Variants in CEP89 observed in about 807,000 individuals in gnomAD.
CEP89 encodes centrosomal protein 89.
Under a neutral mutation model 97.6 loss-of-function variants are expected in CEP89, and 95 were observed. The observed-to-expected ratio is 0.97, with a 90% CI of 0.82 to 1.15. The LOEUF is 1.15. Among genes scored for constraint, CEP89 ranks in the 50% most tolerant of loss-of-function variants. CEP89 has a pLI of 0.00. For missense variants in CEP89, 869 were observed against 947.7 expected (o/e 0.92, Z 1.09); for synonymous variants, 354 against 349.1 (o/e 1.01, Z -0.16).
intron 16 of CEP89, among the ~76,000 whole-genome samples, chr19:32,894,594 T>C (rs1279762542): frequency 6.6e-6 from 1 of 152,240 alleles, no homozygotes; most frequent in African/African-American, 2.4e-5. Context: ...CTTTTCCTCA[T>C]TTTAATAGTA....
At position 32,966,248 on chromosome 19, in the gene CEP89, T is replaced by C. The variant is rs1240079286; in HGVS notation, c.146+112A>G. ...ATCGTGGTAAACATTTTGAAGGACA[T>C]GATTCTAACCACCCTACTTATACTT... On this transcript the variant is annotated intron_variant, in intron 2 of 18. Coordinates refer to ENST00000305768, the MANE Select transcript of CEP89 (RefSeq NM_032816.5). 6.5e-6 allele frequency: 3 copies of C among 464,552 alleles called. No homozygotes were observed. In the East Asian group the frequency reaches 1.0e-4, roughly 16 times the overall value. 28.8% of individuals were successfully genotyped at this position (464,552 alleles called of 1,614,324 possible). A position where few individuals can be genotyped will look rare whatever the true frequency, so the allele number is the denominator to read the frequency against.
rs868334370 is a variant in CEP89 at position 32,937,617 on chromosome 19, C to A, written c.667+14G>T. On this transcript the variant is annotated intron_variant, in intron 7 of 18. Transcript: ENST00000305768. ...CAAGCTTTTCAATCATAATATAATT[C>A]AAAAGGCAAATACCTGGGGAGGGTG... 1 of 1,573,898 alleles carries A rather than the reference C, an allele frequency of 6.4e-7. No individual in the cohort carries two copies. The highest frequency in any genetic ancestry group is 1.1e-5 in the South Asian group (1 of 89,270).
chr19:32,960,100 A>G (rs1359577140), intron 2 of CEP89, 42 bp from the exon 3 acceptor site: 2 of 1,608,066 alleles, frequency 1.2e-6, no homozygotes, highest in African/African-American at 1.3e-5. Flanking sequence ...AGACATGAAC[A>G]TTCCAGGTGA....
rs1026587485 is a variant in CEP89 at position 32,936,114 on chromosome 19, G to T, written c.667+1517C>A. 6.6e-6 allele frequency among the ~76,000 whole-genome samples: 1 copy of T among 152,080 alleles called. No individual in the cohort carries two copies. The highest frequency in any genetic ancestry group is 1.5e-5 in the Non-Finnish European group (1 of 67,988). ...GGCCTGGGAAGGCTCCCGTGTCCCC[G>T]CAGGCTTATGGGTGTTTGCTCTAGC... On this transcript the variant is annotated intron_variant, in intron 7 of 18. Coordinates refer to ENST00000305768, the MANE Select transcript of CEP89 (RefSeq NM_032816.5). The surrounding 1 kb of genome is among the most constrained non-coding windows in gnomAD (Gnocchi z 4.5).
chr19:32,920,186 T>C (rs910491169), intron 12 of CEP89, among the ~76,000 whole-genome samples: 1 of 151,894 alleles, frequency 6.6e-6, no homozygotes, highest in African/African-American at 2.4e-5. Flanking sequence ...TACAGGTGCA[T>C]GCCATCACGC....
intron 3 of CEP89, 33 bp from the exon 4 acceptor site, chr19:32,953,834 A>G (rs758673390): frequency 6.7e-7 from 1 of 1,487,502 alleles, no homozygotes; most frequent in Non-Finnish European, 9.3e-7. Context: ...AAAACAAACA[A>G]AAAGTCACTT....
At chr19:32,966,281 C>A (rs769358271) in intron 2 of CEP89, 79 bp downstream of exon 2, 1 of 650,640 alleles carries the variant, frequency 1.5e-6, no homozygotes, top group Non-Finnish European at 2.5e-6. Flanking sequence ...CTTTTCTGGG[C>A]AGTTTGAGCA....
intron 14 of CEP89, among the ~76,000 whole-genome samples, chr19:32,913,933 C>G (rs1970066909): frequency 6.6e-6 from 1 of 152,128 alleles, no homozygotes. Flanking sequence ...GCCACCGTGC[C>G]CGGCCACACA....
At chr19:32,922,804 C>T (rs567087404) in intron 12 of CEP89, among the ~76,000 whole-genome samples, 8 of 150,554 alleles carry the variant, frequency 5.3e-5, no homozygotes, top group Non-Finnish European at 4.4e-5. Flanking sequence ...GCCGAGATCA[C>T]ACCGTTGCAC....
chr19:32,927,803 C>A (rs1970392329), intron 9 of CEP89, among the ~76,000 whole-genome samples: 1 of 151,282 alleles, frequency 6.6e-6, no homozygotes, highest in African/African-American at 2.4e-5. Flanking sequence ...TGGGGTTTCA[C>A]CATGTTGCCC....
chr19:32,933,455 C>T lies in CEP89; in HGVS notation c.882G>A (p.Gln294=), dbSNP rs1568567908. The T allele has an allele frequency of 1.9e-6, 3 of 1,612,756 alleles. No individual in the cohort carries two copies. ...AGGCACTCTGTCTGTCCCCACCTTC[C>T]TGTGACGACGCCTTCTCAGCCTCTT... ...KLKEAEKASS[Q]EVAAPELLYL... is the part of the protein sequence containing the mutation. Residue 294 remains glutamine, a synonymous_variant, in exon 8 of 19, where the codon CAG becomes CAA. Coordinates refer to ENST00000305768, the MANE Select transcript of CEP89 (RefSeq NM_032816.5).
At chr19:32,925,777 C>T (rs1482653530) in intron 11 of CEP89, among the ~76,000 whole-genome samples, 2 of 152,080 alleles carry the variant, frequency 1.3e-5, no homozygotes, top group Non-Finnish European at 2.9e-5. Flanking sequence ...CGTGAGCCAC[C>T]GCGCCCAGCC....
intron 12 of CEP89, 116 bp downstream of exon 12, chr19:32,923,323 C>G (rs942818612): frequency 9.3e-6 from 5 of 536,046 alleles, no homozygotes; most frequent in Non-Finnish European, 1.3e-5. Flanking sequence ...CTTAGAAACT[C>G]TCCCGTAAAA....
intron 14 of CEP89, among the ~76,000 whole-genome samples, chr19:32,902,253 G>A (rs940222042): frequency 1.3e-5 from 2 of 152,110 alleles, no homozygotes. Flanking sequence ...TACCGAATTT[G>A]CATAGAGAGT....
intron 11 of CEP89, among the ~76,000 whole-genome samples, chr19:32,925,779 C>T (rs10410936): frequency 0.44 from 66,264 of 151,806 alleles, 14,870 homozygotes; most frequent in East Asian, 0.65. Flanking sequence ...TGAGCCACCG[C>T]GCCCAGCCCA....
chr19:32,953,860 T>C lies in CEP89; in HGVS notation c.306-59A>G, dbSNP rs556508683. On this transcript the variant is annotated intron_variant, in intron 3 of 18. Transcript: ENST00000305768. Reference sequence around the variant, plus strand: ...AAAGTCACTTAACACTTGACACTGATAAATATCTTTTTTTTTTTTTTTTTT... The same window carrying C: ...AAAGTCACTTAACACTTGACACTGACAAATATCTTTTTTTTTTTTTTTTTT... 2.3e-5 allele frequency: 22 copies of C among 971,924 alleles called. No individual in the cohort carries two copies. In the East Asian group the frequency reaches 4.4e-4, roughly 20 times the overall value. The allele number at this position is 971,924 out of a possible 1,614,324, so 60.2% of individuals were successfully genotyped here.
chr19:32,911,828 C>G (rs1970007570), intron 14 of CEP89, among the ~76,000 whole-genome samples: 1 of 152,160 alleles, frequency 6.6e-6, no homozygotes, highest in Non-Finnish European at 1.5e-5. Context: ...TGGAGAGAAA[C>G]AGAAGTCAAT....
chr19:32,969,865 C>T (rs1360618163), intron 1 of CEP89: 1 of 152,250 alleles, frequency 6.6e-6, no homozygotes, highest in Non-Finnish European at 1.5e-5. Context: ...GGTGGGGCTC[C>T]TGCCTGCTCC....
At chr19:32,927,750 G>A (rs1437835610) in intron 9 of CEP89, among the ~76,000 whole-genome samples, 1 of 151,754 alleles carries the variant, frequency 6.6e-6, no homozygotes, top group Non-Finnish European at 1.5e-5. Flanking sequence ...GACTACAAGT[G>A]CATGCCACCA....
Sources: gnomAD v4.1 joint callset for allele counts (sites outside exome capture counted in the v4.1 genomes callset) on GRCh38, gnomAD v4.1.1 for gene constraint, Gnocchi (gnomAD v3.1) non-coding constraint, MANE v1.5 for transcripts, NCBI Gene and HGNC (gene_info 2026-07-23, HGNC 2026-07-21) for gene names.